Variants in ARHGAP42 observed in about 807,000 individuals in gnomAD.
ARHGAP42 encodes the protein Rho GTPase activating protein 42, also known as rho GTPase-activating protein 42.
Under a neutral mutation model 125.0 loss-of-function variants are expected in ARHGAP42, and 63 were observed. That is an observed-to-expected ratio of 0.50 (90% CI 0.41 to 0.62). ARHGAP42 has a LOEUF of 0.62. Among genes scored for constraint, ARHGAP42 ranks in the 20% least tolerant of loss-of-function variants. ARHGAP42 has a pLI of 0.00. For synonymous variants in ARHGAP42, 339 were observed against 351.0 expected (o/e 0.97, Z 0.38); for missense variants, 766 against 1,024.2 (o/e 0.75, Z 3.44).
intron 1 of ARHGAP42, among the ~76,000 whole-genome samples, chr11:100,769,083 G>C (rs1441851944): frequency 6.6e-6 from 1 of 152,146 alleles, no homozygotes; most frequent in African/African-American, 2.4e-5. Context: ...GTAGGCAGTT[G>C]TAACACAGTG....
intron 4 of ARHGAP42, among the ~76,000 whole-genome samples, chr11:100,883,564 A>G (rs765830047): frequency 3.9e-5 from 6 of 151,986 alleles, no homozygotes; most frequent in Non-Finnish European, 7.4e-5. Context: ...GCTGATCGTG[A>G]TCTCTTGACC....
intron 12 of ARHGAP42, among the ~76,000 whole-genome samples, chr11:100,958,988 T>A: frequency 6.6e-6 from 1 of 152,120 alleles, no homozygotes; most frequent in Non-Finnish European, 1.5e-5. Context: ...AGAATGTGTT[T>A]AATCTACTGT....
At chr11:100,711,957 C>G (rs1189984814) in intron 1 of ARHGAP42, among the ~76,000 whole-genome samples, 1 of 152,200 alleles carries the variant, frequency 6.6e-6, no homozygotes, top group Non-Finnish European at 1.5e-5. Flanking sequence ...TGTACTGAGA[C>G]TCTAACTTTC....
At chr11:100,965,045 T>A in intron 16 of ARHGAP42, among the ~76,000 whole-genome samples, 1 of 152,020 alleles carries the variant, frequency 6.6e-6, no homozygotes, top group East Asian at 1.9e-4. Context: ...GGAAGGTGCC[T>A]CCTCACATGG....
chr11:100,851,063 G>T (rs889132624), intron 3 of ARHGAP42, among the ~76,000 whole-genome samples: 6 of 151,750 alleles, frequency 4.0e-5, no homozygotes, highest in African/African-American at 1.5e-4. Context: ...CATATTGTTA[G>T]TAGAGACGGG....
intron 1 of ARHGAP42, among the ~76,000 whole-genome samples, chr11:100,723,738 G>A (rs558766600): frequency 3.3e-5 from 5 of 151,878 alleles, no homozygotes; most frequent in Non-Finnish European, 5.9e-5. Flanking sequence ...TTCACAATTT[G>A]TATTTCTTTA....
At position 100,870,840 on chromosome 11, in the gene ARHGAP42, G is replaced by A. The variant is rs538676549; in HGVS notation, c.384+11215G>A. 1.4e-4 allele frequency among the ~76,000 whole-genome samples: 22 copies of A among 152,076 alleles called. No homozygotes were observed. The East Asian group carries it at 4.3e-3, about 29-fold the overall frequency. On this transcript the variant is annotated intron_variant, in intron 4 of 23. Transcript: ENST00000298815. ...AACTTTGATAAAATGGCAACTGTCA[G>A]TGAGTTAAGCCATTCTATGTTTAAT... is the stretch of plus-strand genomic sequence containing the variant.
chr11:100,937,387 A>G (rs1458006883), intron 8 of ARHGAP42, among the ~76,000 whole-genome samples: 3 of 152,098 alleles, frequency 2.0e-5, no homozygotes, highest in African/African-American at 4.8e-5. Flanking sequence ...AGTAGGGTAT[A>G]TAGATTTCAC....
intron 6 of ARHGAP42, among the ~76,000 whole-genome samples, chr11:100,927,424 A>C (rs1485071341): frequency 6.6e-6 from 1 of 152,208 alleles, no homozygotes; most frequent in African/African-American, 2.4e-5. Flanking sequence ...TCATTCTTTA[A>C]AAATTTAACA....
intron 4 of ARHGAP42, among the ~76,000 whole-genome samples, chr11:100,886,122 T>G (rs966054412): frequency 6.6e-6 from 1 of 152,226 alleles, no homozygotes; most frequent in Admixed American, 6.5e-5. Context: ...CTTGGGCAAG[T>G]CAACATCAGA....
intron 6 of ARHGAP42, among the ~76,000 whole-genome samples, chr11:100,931,571 A>C (rs551509174): frequency 1.4e-4 from 21 of 152,340 alleles, no homozygotes; most frequent in African/African-American, 5.0e-4. Flanking sequence ...ATTTCAAAGT[A>C]GCACCTGCTT....
At chr11:100,756,867 A>G (rs954876406) in intron 1 of ARHGAP42, among the ~76,000 whole-genome samples, 1 of 152,230 alleles carries the variant, frequency 6.6e-6, no homozygotes, top group African/African-American at 2.4e-5. Flanking sequence ...TCAAATAAAC[A>G]GCATAGCATT....
At chr11:100,690,234 C>G (rs1861163660) in intron 1 of ARHGAP42, among the ~76,000 whole-genome samples, 1 of 152,084 alleles carries the variant, frequency 6.6e-6, no homozygotes, top group Non-Finnish European at 1.5e-5. Context: ...GTATCCATTA[C>G]CCGTTTCAGT....
intron 4 of ARHGAP42, among the ~76,000 whole-genome samples, chr11:100,902,397 GA>G (rs756784057): frequency 3.3e-5 from 5 of 152,060 alleles, no homozygotes; most frequent in Admixed American, 6.5e-5. Context: ...TAATCTTCCA[GA>G]AATCCTTATT....
intron 4 of ARHGAP42, among the ~76,000 whole-genome samples, chr11:100,898,222 G>A (rs1386325622): frequency 2.0e-5 from 3 of 152,184 alleles, no homozygotes; most frequent in Admixed American, 6.5e-5. Flanking sequence ...GCTTTTTGAT[G>A]TGCTGCTGGA....
chr11:100,788,868 T>C (rs1034070467), intron 2 of ARHGAP42, among the ~76,000 whole-genome samples: 1 of 152,244 alleles, frequency 6.6e-6, no homozygotes, highest in Non-Finnish European at 1.5e-5. Context: ...GTCAGTATGC[T>C]ACCTTTGATT....
Position 100,933,172 on chromosome 11 carries a change from A to C in ARHGAP42, c.614A>C (p.Gln205Pro). The C allele has an allele frequency of 1.3e-6, 2 of 1,549,158 alleles. No homozygotes were observed. The highest frequency in any genetic ancestry group is 1.7e-6 in the Non-Finnish European group (2 of 1,146,320). The change falls in exon 7 of 24, where the codon CAG becomes CCG. Residue 205 changes from glutamine to proline, a missense_variant. Around this residue, in one of 3 missense-constraint regions of ARHGAP42, gnomAD observed 455 missense variants for 636.5 expected, o/e 0.71. Coordinates refer to ENST00000298815, the MANE Select transcript of ARHGAP42 (RefSeq NM_152432.4). ...TCTTTGCAGCTTTTGTCATTTCTTC[A>C]GGGCTTATTTACTTTTTACCATGAG... ...EFVEPLLSFL[Q>P]GLFTFYHEGY... is the part of the protein sequence containing the mutation.
chr11:100,754,745 T>TCCTA lies in ARHGAP42; in HGVS notation c.155-15595_155-15592dup, dbSNP rs1261175899. ...AGGCAACCCATACCCCATTCTAAAC[T>TCCTA]CCTACCCCTCTTGCCCAATAAGAGT... On this transcript the variant is annotated intron_variant, in intron 1 of 23. Transcript: ENST00000298815. Among the ~76,000 whole-genome samples, 4 of 152,326 alleles carry TCCTA rather than the reference T, an allele frequency of 2.6e-5. No individual in the cohort carries two copies. In the East Asian group the frequency reaches 7.7e-4, roughly 29 times the overall value.
At chr11:100,719,679 T>G (rs1861726564) in intron 1 of ARHGAP42, among the ~76,000 whole-genome samples, 1 of 152,082 alleles carries the variant, frequency 6.6e-6, no homozygotes, top group African/African-American at 2.4e-5. Context: ...TGTGTGTGTG[T>G]TGTGTGTGCA....
Sources: allele counts gnomAD v4.1 joint callset (sites outside exome capture counted in the v4.1 genomes callset), GRCh38; gene constraint gnomAD v4.1.1; regional missense constraint gnomAD v4.1.1; transcripts MANE v1.5; gene names NCBI Gene and HGNC (gene_info 2026-07-23, HGNC 2026-07-21).